The following PLCG2 variants were observed in gnomAD, a reference collection of about 807,000 sequenced individuals.
The protein encoded by PLCG2 is phospholipase C gamma 2, also known as 1-phosphatidylinositol 4,5-bisphosphate phosphodiesterase gamma-2.
A neutral mutation model predicts 175.6 loss-of-function variants in PLCG2; 69 were observed. The observed-to-expected ratio is 0.39, with a 90% CI of 0.32 to 0.48. The LOEUF is 0.48. Ranked by LOEUF, PLCG2 falls within the 20% of genes least tolerant of loss-of-function variation. The pLI, the probability that PLCG2 is intolerant of heterozygous loss-of-function variation, is 0.91. For synonymous variants in PLCG2, 827 were observed against 624.0 expected (o/e 1.33, Z -4.85); for missense variants, 1,798 against 1,650.9 (o/e 1.09, Z -1.54).
rs943737218 is a variant in PLCG2 at position 81,959,835 on chromosome 16, T to G, written c.*1837T>G. 1 of 186,426 alleles carries G rather than the reference T, an allele frequency of 5.4e-6. No homozygotes were observed. The highest frequency in any genetic ancestry group is 8.6e-5 in the East Asian group (1 of 11,578). The allele number at this position is 186,426 out of a possible 1,614,324, so 11.5% of individuals were successfully genotyped here. ...AACCCCTCTCAGCTCTGTTAGGACT[T>G]CCACACAGCAGAGCTCAGGTGTTGC... On this transcript the variant is annotated 3_prime_UTR_variant, in exon 33 of 33. Transcript: ENST00000564138.
intron 2 of PLCG2, among the ~76,000 whole-genome samples, chr16:81,804,401 C>T (rs1270243508): frequency 6.6e-6 from 1 of 152,186 alleles, no homozygotes; most frequent in Admixed American, 6.5e-5. Context: ...CCAGCATTGT[C>T]TTCTGGCATG....
At chr16:81,780,121 A>G (rs975021426) in intron 1 of PLCG2, among the ~76,000 whole-genome samples, 9 of 152,050 alleles carry the variant, frequency 5.9e-5, no homozygotes, top group African/African-American at 1.9e-4. Context: ...TTGGTACCCT[A>G]ATCTTGAACT....
chr16:81,806,696 A>AG (rs1350137180), intron 2 of PLCG2, among the ~76,000 whole-genome samples: 1 of 152,050 alleles, frequency 6.6e-6, no homozygotes, highest in Non-Finnish European at 1.5e-5. Flanking sequence ...GGGGATCATG[A>AG]GGGTCCAGGT....
At chr16:81,869,537 C>G (rs952075284) in intron 6 of PLCG2, among the ~76,000 whole-genome samples, 1 of 152,222 alleles carries the variant, frequency 6.6e-6, no homozygotes, top group Non-Finnish European at 1.5e-5. Context: ...CTTGGAACAT[C>G]TACCCTCAGA....
intron 30 of PLCG2, among the ~76,000 whole-genome samples, chr16:81,941,474 C>T (rs543873430): frequency 6.6e-6 from 1 of 152,240 alleles, no homozygotes; most frequent in East Asian, 1.9e-4. Flanking sequence ...CAAACTATGT[C>T]AAGGCTGCCT....
intron 31 of PLCG2, among the ~76,000 whole-genome samples, chr16:81,946,708 T>C (rs1240880501): frequency 6.6e-6 from 1 of 152,196 alleles, no homozygotes; most frequent in African/African-American, 2.4e-5. Flanking sequence ...ATGGAATCCA[T>C]TTACAAATAA....
At chr16:81,946,087 G>T in intron 30 of PLCG2, 88 bp from the exon 31 acceptor site, 1 of 937,962 alleles carries the variant, frequency 1.1e-6, no homozygotes, top group Non-Finnish European at 1.8e-6. Flanking sequence ...TTTGAACTAG[G>T]CCTATGATCC....
Position 81,854,544 on chromosome 16 carries a change from C to G in PLCG2, c.294C>G (p.Ile98Met). 1 of 1,614,002 alleles carries G rather than the reference C, an allele frequency of 6.2e-7. No homozygotes were observed. The highest frequency in any genetic ancestry group is 2.2e-5 in the East Asian group (1 of 44,888). The change falls in exon 3 of 33, where the codon ATC becomes ATG. Residue 98 changes from isoleucine to methionine, a missense_variant. Ile to Met is a conservative substitution (Grantham distance 10). Coordinates refer to ENST00000564138, the MANE Select transcript of PLCG2 (RefSeq NM_002661.5). ...VRQKEDCCFTILYGTQFVLST... is the reference protein window; with the variant it reads ...VRQKEDCCFTMLYGTQFVLST... ...AGAAAGAAGACTGCTGCTTCACCAT[C>G]CTATATGGCACTCAGTTCGTCCTCA...
intron 24 of PLCG2, 60 bp downstream of exon 24, chr16:81,928,684 A>C: frequency 3.8e-5 from 43 of 1,127,522 alleles, no homozygotes; most frequent in Non-Finnish European, 4.9e-5. Flanking sequence ...GGCTGACCTC[A>C]GCCCCGCCCT....
At chr16:81,848,694 C>T (rs1906248735) in intron 2 of PLCG2, among the ~76,000 whole-genome samples, 1 of 152,106 alleles carries the variant, frequency 6.6e-6, no homozygotes, top group Non-Finnish European at 1.5e-5. Flanking sequence ...TTCCTCTTTC[C>T]AAGAACTACT....
chr16:81,864,726 C>A (rs1054058152), intron 5 of PLCG2, among the ~76,000 whole-genome samples: 2 of 152,128 alleles, frequency 1.3e-5, no homozygotes, highest in African/African-American at 4.8e-5. Context: ...GTGGAGGTGC[C>A]GGCCCAGCCT....
intron 6 of PLCG2, among the ~76,000 whole-genome samples, chr16:81,869,998 A>G (rs574850579): frequency 3.2e-4 from 48 of 152,338 alleles, no homozygotes; most frequent in African/African-American, 9.6e-4. Context: ...CTCCATTACA[A>G]GGTTCCTCAG....
chr16:81,935,497 C>G, intron 26 of PLCG2: 1 of 983,938 alleles, frequency 1.0e-6, no homozygotes. Context: ...GTATTTTTTT[C>G]TTTGGGTGTT....
chr16:81,910,160 G>A (rs1909555440), intron 17 of PLCG2, among the ~76,000 whole-genome samples: 1 of 152,040 alleles, frequency 6.6e-6, no homozygotes, highest in Non-Finnish European at 1.5e-5. Flanking sequence ...GCGTGATCTC[G>A]GCTCACTGCA....
intron 1 of PLCG2, among the ~76,000 whole-genome samples, chr16:81,741,591 G>A (rs1432553555): frequency 6.6e-6 from 1 of 152,140 alleles, no homozygotes; most frequent in Non-Finnish European, 1.5e-5. Context: ...GGGCAGATCA[G>A]TTGAGGCCAG....
intron 7 of PLCG2, among the ~76,000 whole-genome samples, chr16:81,877,446 C>T (rs1000646224): frequency 6.6e-6 from 1 of 152,230 alleles, no homozygotes; most frequent in Non-Finnish European, 1.5e-5. Flanking sequence ...CACAGCGAGA[C>T]TCCGTCTCAA....
chr16:81,920,613 T>TCTAG (rs1910020557), intron 20 of PLCG2, among the ~76,000 whole-genome samples: 1 of 151,960 alleles, frequency 6.6e-6, no homozygotes, highest in Non-Finnish European at 1.5e-5. Context: ...AAGGGGTGAC[T>TCTAG]CTAGGTACAG....
intron 30 of PLCG2, among the ~76,000 whole-genome samples, chr16:81,945,613 A>G (rs546747866): frequency 3.7e-4 from 56 of 152,354 alleles, no homozygotes; most frequent in African/African-American, 1.3e-3. Context: ...TGCCCCCCTC[A>G]GCCCCAAATA....
chr16:81,786,192 C>T lies in PLCG2; in HGVS notation c.193+10C>T, dbSNP rs758690442. 19 of 1,611,652 alleles carry T rather than the reference C, an allele frequency of 1.2e-5. No homozygotes were observed. The highest frequency in any genetic ancestry group is 3.3e-5 in the South Asian group (3 of 90,924). On this transcript the variant is annotated intron_variant, in intron 2 of 32. Transcript: ENST00000564138. ...AAGATCGAGGGCTTCTGTGAGTACT[C>T]GCTGGGTGGGGCAGTGTGGCCCGTC...
Sources: gnomAD v4.1 joint callset for allele counts (sites outside exome capture counted in the v4.1 genomes callset) on GRCh38, gnomAD v4.1.1 for gene constraint, MANE v1.5 for transcripts, NCBI Gene and HGNC (gene_info 2026-07-23, HGNC 2026-07-21) for gene names.